NRG1: variants seen among roughly 807,000 people sequenced by gnomAD.
NRG1 encodes the protein neuregulin 1, also known as pro-neuregulin-1, membrane-bound isoform.
A neutral mutation model predicts 63.8 loss-of-function variants in NRG1; 18 were observed. That is an observed-to-expected ratio of 0.28 (90% CI 0.19 to 0.42). The LOEUF (loss-of-function observed/expected upper bound fraction) is 0.42. Among genes scored for constraint, NRG1 ranks in the 10% least tolerant of loss-of-function variants. NRG1 has a pLI of 1.00. For missense variants in NRG1, 762 were observed against 814.7 expected (o/e 0.94, Z 0.79); for synonymous variants, 302 against 301.3 (o/e 1.00, Z -0.02).
intron 1 of NRG1, among the ~76,000 whole-genome samples, chr8:32,490,646 G>C (rs1206577580): frequency 6.6e-6 from 1 of 152,274 alleles, no homozygotes; most frequent in African/African-American, 2.4e-5. Flanking sequence ...TGTTAGAGCT[G>C]AAGGACACCT....
Position 32,743,573 on chromosome 8 carries a change from C to CATATATATATATATATATATATATATAT in NRG1, c.691+863_691+864insTATATATATATATATATATATATATATA, listed in dbSNP as rs71879821. Reference sequence around the variant, plus strand: ...TATATATATAAAACTTAAGGCAAAACATATATATATATATATATATATAAA... The same window carrying CATATATATATATATATATATATATATAT: ...TATATATATAAAACTTAAGGCAAAACATATATATATATATATATATATATATATATATATATATATATATATATATAAA... On this transcript the variant is annotated intron_variant, in intron 7 of 11. Coordinates refer to ENST00000356819, the Ensembl canonical transcript of NRG1. Among the ~76,000 whole-genome samples, 69 of 113,692 alleles carry CATATATATATATATATATATATATATAT rather than the reference C, an allele frequency of 6.1e-4. 1 individual carries two copies. The East Asian group carries it at 0.011, about 18-fold the overall frequency. The allele number at this position is 113,692 out of a possible 152,430, so 74.6% of individuals were successfully genotyped here. A position where few individuals can be genotyped will look rare whatever the true frequency, so the allele number is the denominator to read the frequency against.
At position 31,937,599 on chromosome 8, in the gene NRG1, A is replaced by T. The variant is rs117922232; in HGVS notation, c.37+298168A>T. 4.6e-3 allele frequency among the ~76,000 whole-genome samples: 703 copies of T among 152,234 alleles called. 8 individuals are homozygous for T. Among genetic ancestry groups the T allele is most frequent in the South Asian group, 0.025 (121 of 4,826 alleles). ...GAGTCTGCTTGCTTTCTCAATGGGGATGCTCATGGTATGGGGCAATTTCTC... is the reference window on the plus strand; with the variant it reads ...GAGTCTGCTTGCTTTCTCAATGGGGTTGCTCATGGTATGGGGCAATTTCTC... On this transcript the variant is annotated intron_variant, in intron 1 of 10. Transcript: ENST00000519301.
intron 1 of NRG1, among the ~76,000 whole-genome samples, chr8:31,820,248 G>A (rs1301588546): frequency 6.6e-6 from 1 of 152,154 alleles, no homozygotes; most frequent in Admixed American, 6.5e-5. Flanking sequence ...GTGTTGCACC[G>A]CATGAGAGGA....
chr8:31,696,849 G>A (rs1810118566), intron 1 of NRG1, among the ~76,000 whole-genome samples: 2 of 152,194 alleles, frequency 1.3e-5, no homozygotes. Flanking sequence ...CTCTCAGAGT[G>A]TGCATAGGTG....
At chr8:32,015,971 G>A (rs1815470140) in intron 1 of NRG1, among the ~76,000 whole-genome samples, 1 of 151,924 alleles carries the variant, frequency 6.6e-6, no homozygotes, top group African/African-American at 2.4e-5. Flanking sequence ...ACTGACAGCA[G>A]CTCTACAATT....
rs1393646275 is a variant in NRG1, at chr8:31,640,942, C to T, written c.37+1511C>T. On this transcript the variant is annotated intron_variant, in intron 1 of 10. Transcript: ENST00000519301. This position sits in a 1 kb window ranked among gnomAD's most constrained non-coding sequence, Gnocchi z 6.3. ...CTTAGGCTTTGCCACTGGAGAAAGCCCAAGTTTAGTCCTGGGTTGGGGCCT... is the reference window on the plus strand; with the variant it reads ...CTTAGGCTTTGCCACTGGAGAAAGCTCAAGTTTAGTCCTGGGTTGGGGCCT... Among the ~76,000 whole-genome samples, 1 of 152,166 alleles carries T rather than the reference C, an allele frequency of 6.6e-6. No homozygotes were observed. Among genetic ancestry groups the T allele is most frequent in the Non-Finnish European group, 1.5e-5 (1 of 68,034 alleles).
At chr8:32,623,632 T>C (rs991033274) in intron 5 of NRG1, among the ~76,000 whole-genome samples, 5 of 152,212 alleles carry the variant, frequency 3.3e-5, no homozygotes, top group Non-Finnish European at 7.3e-5. Flanking sequence ...ATTTTTAGGA[T>C]ACTAGAGTGA....
intron 1 of NRG1, among the ~76,000 whole-genome samples, chr8:31,807,024 A>G (rs902268065): frequency 1.3e-5 from 2 of 152,246 alleles, no homozygotes; most frequent in Non-Finnish European, 2.9e-5. Flanking sequence ...GAAAACTACC[A>G]TGATTAAAAA....
intron 1 of NRG1, among the ~76,000 whole-genome samples, chr8:32,196,943 CTTTTTTTTT>C (rs773398472): frequency 0.012 from 342 of 27,428 alleles, 3 homozygotes; most frequent in African/African-American, 0.033. Flanking sequence ...TCAGAACATT[CTTTTTTTTT>C]TTTTTTTTTT....
At chr8:31,690,315 A>T (rs1297744772) in intron 1 of NRG1, among the ~76,000 whole-genome samples, 1 of 152,120 alleles carries the variant, frequency 6.6e-6, no homozygotes, top group Non-Finnish European at 1.5e-5. Context: ...ACAGGCTTGG[A>T]GGAGTTTAAG....
chr8:31,948,957 A>T (rs1803047134), intron 1 of NRG1, among the ~76,000 whole-genome samples: 1 of 152,182 alleles, frequency 6.6e-6, no homozygotes, highest in Non-Finnish European at 1.5e-5. Flanking sequence ...ACCTGTCTTG[A>T]TTTAATTCAA....
At chr8:32,031,472 C>T (rs1319604402) in intron 1 of NRG1, among the ~76,000 whole-genome samples, 1 of 152,152 alleles carries the variant, frequency 6.6e-6, no homozygotes, top group Non-Finnish European at 1.5e-5. Flanking sequence ...GCCCCTCCCA[C>T]ACTGCCTATT....
At chr8:32,007,760 GT>G (rs1447161353) in intron 1 of NRG1, among the ~76,000 whole-genome samples, 1 of 151,950 alleles carries the variant, frequency 6.6e-6, no homozygotes, top group East Asian at 1.9e-4. Flanking sequence ...TGTGTTTTCA[GT>G]GTACTACCAG....
intron 1 of NRG1, among the ~76,000 whole-genome samples, chr8:32,025,958 A>AG (rs1293128716): frequency 6.6e-6 from 1 of 151,778 alleles, no homozygotes; most frequent in African/African-American, 2.4e-5. Flanking sequence ...AAAAAAAAAA[A>AG]AAAAAGTGAA....
chr8:32,066,743 A>T (rs574961972), intron 1 of NRG1, among the ~76,000 whole-genome samples: 2 of 152,288 alleles, frequency 1.3e-5, no homozygotes, highest in East Asian at 3.9e-4. Context: ...TGGTAGCTTG[A>T]TGGGGATGGC....
chr8:32,734,381 A>G (rs1393264069), intron 6 of NRG1, among the ~76,000 whole-genome samples: 1 of 152,226 alleles, frequency 6.6e-6, no homozygotes, highest in Non-Finnish European at 1.5e-5. Flanking sequence ...GAAAAAATAA[A>G]CAGGACTGGG....
intron 1 of NRG1, among the ~76,000 whole-genome samples, chr8:32,049,574 T>A (rs552167332): frequency 6.6e-6 from 1 of 152,178 alleles, no homozygotes; most frequent in Non-Finnish European, 1.5e-5. Flanking sequence ...TAATTTTGAC[T>A]GCATGAAATG....
chr8:31,796,594 G>A (rs984799136), intron 1 of NRG1, among the ~76,000 whole-genome samples: 2 of 151,642 alleles, frequency 1.3e-5, no homozygotes, highest in African/African-American at 2.4e-5. Context: ...CACCACACCA[G>A]GCTAATTTTG....
In NRG1 at chr8:31,799,712, G is replaced by GT. The variant is rs563235729; in HGVS notation, c.37+160288dup. On this transcript the variant is annotated intron_variant, in intron 1 of 10. Transcript: ENST00000519301. ...GCCATTTCTATTTTTTGAGTTGCCT[G>GT]TTTTTTTGTGTATGCATAGATATAT... Among the ~76,000 whole-genome samples the GT allele has an allele frequency of 4.0e-5, 6 of 151,850 alleles. No homozygotes were observed. In the South Asian group the frequency reaches 1.2e-3, roughly 32 times the overall value.
Sources: gnomAD v4.1 joint callset for allele counts (sites outside exome capture counted in the v4.1 genomes callset) on GRCh38, gnomAD v4.1.1 for gene constraint, Gnocchi (gnomAD v3.1) non-coding constraint, MANE v1.5 for transcripts, NCBI Gene and HGNC (gene_info 2026-07-23, HGNC 2026-07-21) for gene names.